SIAH3: variants seen among roughly 807,000 people sequenced by gnomAD.
SIAH3 encodes the protein seven in absentia homolog 3.
A neutral mutation model predicts 12.6 loss-of-function variants in SIAH3; 9 were observed. The ratio of observed to expected loss-of-function variants is 0.72; its 90% CI spans 0.43 to 1.25. The LOEUF is 1.25. SIAH3 is among the 50% of genes most tolerant of loss of function. The pLI is 0.00. For synonymous variants in SIAH3, 154 were observed against 151.1 expected, an observed-to-expected ratio of 1.02 and a Z score of -0.14; for missense variants, 390 against 365.4, an observed-to-expected ratio of 1.07 and a Z score of -0.55.
At chr13:45,797,101 A>G (rs550669872) in intron 1 of SIAH3, among the ~76,000 whole-genome samples, 4 of 151,342 alleles carry the variant, frequency 2.6e-5, no homozygotes, top group Admixed American at 2.6e-4. Flanking sequence ...TGCTAAGATA[A>G]TTAGCCTAAT....
At chr13:45,818,140 C>T (rs955818000) in intron 1 of SIAH3, among the ~76,000 whole-genome samples, 30 of 152,142 alleles carry the variant, frequency 2.0e-4, no homozygotes, top group Admixed American at 9.8e-4. Flanking sequence ...CCCAGGGTCC[C>T]CAGGGAGACT....
intron 1 of SIAH3, among the ~76,000 whole-genome samples, chr13:45,806,595 T>C (rs990389852): frequency 6.6e-5 from 10 of 152,080 alleles, no homozygotes; most frequent in Admixed American, 5.9e-4. Flanking sequence ...AAGACAATGG[T>C]TGAAAAAGTA....
intron 1 of SIAH3, among the ~76,000 whole-genome samples, chr13:45,803,756 G>C (rs1299153097): frequency 6.6e-6 from 1 of 152,134 alleles, no homozygotes; most frequent in Non-Finnish European, 1.5e-5. Context: ...ACATAGCATA[G>C]AAGAGCTATG....
In SIAH3 at chr13:45,783,830, C is replaced by A. The variant is rs767552521; in HGVS notation, c.363G>T (p.Glu121Asp). 3 of 1,614,208 alleles carry A rather than the reference C, an allele frequency of 1.9e-6. No individual in the cohort carries two copies. The highest frequency in any genetic ancestry group is 3.3e-5 in the Admixed American group (2 of 60,034). ...LFSCQWEGRL[E>D]VVVPHLRQIH... ...TCTGCCGCAGGTGGGGCACCACCAC[C>A]TCCAGGCGGCCTTCCCACTGGCAGG... Residue 121 changes from glutamate to aspartate, a missense_variant, in exon 2 of 2, where the codon GAG becomes GAT. Glu to Asp is a conservative substitution (Grantham distance 45, BLOSUM62 2). Transcript: ENST00000400405.
chr13:45,847,181 C>T (rs1950763206), intron 1 of SIAH3, among the ~76,000 whole-genome samples: 2 of 152,324 alleles, frequency 1.3e-5, no homozygotes, highest in South Asian at 4.1e-4. Context: ...GAGTAACCCA[C>T]ATACCAGCTA....
At chr13:45,803,846 G>A (rs977981063) in intron 1 of SIAH3, among the ~76,000 whole-genome samples, 1 of 152,102 alleles carries the variant, frequency 6.6e-6, no homozygotes, top group Non-Finnish European at 1.5e-5. Context: ...GCCACTGAAG[G>A]ATTTTAAGGG....
chr13:45,796,340 G>T (rs556977865), intron 1 of SIAH3, among the ~76,000 whole-genome samples: 20 of 152,154 alleles, frequency 1.3e-4, no homozygotes, highest in African/African-American at 2.7e-4. Context: ...TCATGGGCGG[G>T]GGGGAGGCGC....
At chr13:45,822,193 C>T (rs190795043) in intron 1 of SIAH3, among the ~76,000 whole-genome samples, 10 of 152,164 alleles carry the variant, frequency 6.6e-5, no homozygotes, top group South Asian at 2.1e-4. Flanking sequence ...GGTCTCAATG[C>T]GGACCTATAT....
Position 45,831,514 on chromosome 13 carries a change from GCCTCCAATATGC to G in SIAH3, c.135+19969_135+19980del, listed in dbSNP as rs1353247046. On this transcript the variant is annotated intron_variant, in intron 1 of 1. Coordinates refer to ENST00000400405, the MANE Select transcript of SIAH3 (RefSeq NM_198849.3). ...CATTCACTCAGTAGATATTTATTGA[GCCTCCAATATGC>G]CAGGCGCTGTTCTAGACTGGGGAAG... Among the ~76,000 whole-genome samples the G allele has an allele frequency of 2.6e-5, 4 of 152,314 alleles. No homozygotes were observed. In the East Asian group the frequency reaches 7.7e-4, roughly 29 times the overall value.
At chr13:45,831,179 A>AAAAT (rs200362215) in intron 1 of SIAH3, among the ~76,000 whole-genome samples, 5,024 of 142,612 alleles carry the variant, frequency 0.035, 120 homozygotes, top group African/African-American at 0.043. Context: ...ACTGTGCCTC[A>AAAAT]AAATAAATAA....
intron 1 of SIAH3, among the ~76,000 whole-genome samples, chr13:45,801,099 G>T (rs1267848883): frequency 1.6e-5 from 2 of 126,018 alleles, no homozygotes; most frequent in East Asian, 4.0e-4. Context: ...GGGTGGCGGG[G>T]GGGGGCATGG....
intron 1 of SIAH3, among the ~76,000 whole-genome samples, chr13:45,807,110 T>C (rs1046293665): frequency 6.6e-6 from 1 of 152,118 alleles, no homozygotes; most frequent in Non-Finnish European, 1.5e-5. Context: ...ATAAATTTTA[T>C]AGGAAACAGT....
chr13:45,796,257 A>G (rs1950562203), intron 1 of SIAH3, among the ~76,000 whole-genome samples: 1 of 106,908 alleles, frequency 9.4e-6, no homozygotes, highest in East Asian at 1.9e-4. Context: ...AATAGAATGG[A>G]AGAAAGAGAG....
chr13:45,828,245 T>C (rs1258664293), intron 1 of SIAH3, among the ~76,000 whole-genome samples: 2 of 152,206 alleles, frequency 1.3e-5, no homozygotes, highest in African/African-American at 4.8e-5. Context: ...TCCTCTTGAG[T>C]ATTTGACCCT....
chr13:45,851,181 G>GC (rs947186485), intron 1 of SIAH3, among the ~76,000 whole-genome samples: 6 of 152,042 alleles, frequency 3.9e-5, no homozygotes, highest in Non-Finnish European at 8.8e-5. Context: ...TGATGGGGAC[G>GC]CCCCCCTGTT....
At position 45,780,167 on chromosome 13, in the gene SIAH3, A is replaced by AGTC. The variant is rs1178696600; in HGVS notation, c.*3215_*3216insGAC. On this transcript the variant is annotated 3_prime_UTR_variant, in exon 2 of 2. Transcript: ENST00000400405. ...GACTCCTGGGACTCTAAGGTGAGAAACCTGGGTGTGGGCAAAGGGATTCAG... is the reference window on the plus strand; with the variant it reads ...GACTCCTGGGACTCTAAGGTGAGAAAGTCCCTGGGTGTGGGCAAAGGGATTCAG... 6.6e-6 allele frequency: 1 copy of AGTC among 152,154 alleles called. No homozygotes were observed. Among genetic ancestry groups the AGTC allele is most frequent in the Non-Finnish European group, 1.5e-5 (1 of 68,050 alleles). The allele number at this position is 152,154 out of a possible 1,614,324, so 9.4% of individuals were successfully genotyped here. A position where few individuals can be genotyped will look rare whatever the true frequency, so the allele number is the denominator to read the frequency against.
At chr13:45,848,167 T>C (rs936428060) in intron 1 of SIAH3, among the ~76,000 whole-genome samples, 1 of 152,148 alleles carries the variant, frequency 6.6e-6, no homozygotes, top group Non-Finnish European at 1.5e-5. Context: ...CAATAACCTC[T>C]GTGAATGAGG....
chr13:45,851,543 G>A lies in SIAH3; in HGVS notation c.87C>T (p.Ser29=), dbSNP rs1008896339. The part of the protein sequence containing the change: ...FQHYKAKRVF[S]AAGQLVCVVN... ...CGACACAGACAAGTTGCCCGGCAGC[G>A]GAGAAAACCCGTTTAGCCTTGTAGT... Residue 29 remains serine, a synonymous_variant, in exon 1 of 2, where the codon TCC becomes TCT. Coordinates refer to ENST00000400405, the MANE Select transcript of SIAH3 (RefSeq NM_198849.3). The A allele has an allele frequency of 1.2e-6, 2 of 1,614,056 alleles. No individual in the cohort carries two copies. The highest frequency in any genetic ancestry group is 1.7e-6 in the Non-Finnish European group (2 of 1,180,054).
In SIAH3 at chr13:45,778,876, T is replaced by G. The variant is rs906867250; in HGVS notation, c.*4507A>C. On this transcript the variant is annotated 3_prime_UTR_variant, in exon 2 of 2. Coordinates refer to ENST00000400405, the MANE Select transcript of SIAH3 (RefSeq NM_198849.3). ...ATATGGGAGGATTGCGTAGGTTATATACAAATACTATGCCGTTTTATATAA... is the reference window on the plus strand; with the variant it reads ...ATATGGGAGGATTGCGTAGGTTATAGACAAATACTATGCCGTTTTATATAA... The G allele has an allele frequency of 6.6e-6, 1 of 152,216 alleles. No individual in the cohort carries two copies. The allele number at this position is 152,216 out of a possible 1,614,324, so 9.4% of individuals were successfully genotyped here.
Sources: allele counts gnomAD v4.1 joint callset (sites outside exome capture counted in the v4.1 genomes callset), GRCh38; gene constraint gnomAD v4.1.1; transcripts MANE v1.5; gene names NCBI Gene and HGNC (gene_info 2026-07-23, HGNC 2026-07-21).